Variants in ECT2L observed in about 807,000 individuals in gnomAD.
The protein encoded by ECT2L is epithelial cell transforming 2 like, also known as epithelial cell-transforming sequence 2 oncogene-like.
A neutral mutation model predicts 122.8 loss-of-function variants in ECT2L; 126 were observed. The observed-to-expected ratio is 1.03, with a 90% CI of 0.89 to 1.19. ECT2L has a LOEUF of 1.19. ECT2L is among the 50% of genes most tolerant of loss of function. The pLI, the probability that ECT2L is intolerant of heterozygous loss-of-function variation, is 0.00. For synonymous variants in ECT2L, 385 were observed against 381.8 expected, an observed-to-expected ratio of 1.01 and a Z score of -0.10; for missense variants, 1,012 against 1,064.1, an observed-to-expected ratio of 0.95 and a Z score of 0.68.
chr6:138,889,751 G>A (rs1414899554), intron 20 of ECT2L, among the ~76,000 whole-genome samples: 1 of 152,168 alleles, frequency 6.6e-6, no homozygotes, highest in Non-Finnish European at 1.5e-5. Context: ...AGACCTTACA[G>A]TATTTAGTTT....
At chr6:138,863,908 G>A (rs566365090) in intron 11 of ECT2L, among the ~76,000 whole-genome samples, 135 of 147,668 alleles carry the variant, frequency 9.1e-4, no homozygotes, top group African/African-American at 3.2e-3. Flanking sequence ...CACCGCATCT[G>A]GCCGGGAACA....
chr6:138,880,563 C>G (rs1006254096), intron 14 of ECT2L, among the ~76,000 whole-genome samples: 4 of 152,152 alleles, frequency 2.6e-5, no homozygotes, highest in African/African-American at 7.2e-5. Flanking sequence ...GGAAAACAAA[C>G]AAGAGTAGAC....
chr6:138,871,538 G>A (rs1245588378), intron 13 of ECT2L, among the ~76,000 whole-genome samples: 4 of 152,166 alleles, frequency 2.6e-5, no homozygotes. Flanking sequence ...AGGCGCAGTG[G>A]CTCACGTCTG....
At chr6:138,841,399 G>T (rs928002352) in intron 5 of ECT2L, among the ~76,000 whole-genome samples, 3 of 152,200 alleles carry the variant, frequency 2.0e-5, no homozygotes, top group African/African-American at 4.8e-5. Context: ...CACGTCTAGT[G>T]CTAGGAACAA....
chr6:138,836,791 A>G (rs557431810), intron 4 of ECT2L, among the ~76,000 whole-genome samples: 4 of 152,140 alleles, frequency 2.6e-5, no homozygotes, highest in Non-Finnish European at 5.9e-5. Context: ...CATTAATTAT[A>G]TACTTTGATA....
intron 19 of ECT2L, among the ~76,000 whole-genome samples, chr6:138,888,589 C>T (rs1401085960): frequency 4.6e-5 from 7 of 152,172 alleles, no homozygotes; most frequent in African/African-American, 1.7e-4. Flanking sequence ...GCTGGGATTA[C>T]AGGCATGAGC....
intron 5 of ECT2L, among the ~76,000 whole-genome samples, chr6:138,842,082 C>A (rs968252658): frequency 1.3e-5 from 2 of 152,170 alleles, no homozygotes; most frequent in Non-Finnish European, 2.9e-5. Context: ...ATATATTCAT[C>A]AAATAATATT....
chr6:138,826,733 G>A (rs1037190427), intron 4 of ECT2L, among the ~76,000 whole-genome samples: 13 of 152,094 alleles, frequency 8.5e-5, no homozygotes, highest in Non-Finnish European at 1.8e-4. Flanking sequence ...ATGTTGACTT[G>A]TAATCCCCAA....
chr6:138,892,798 C>T (rs1033496308), intron 20 of ECT2L, among the ~76,000 whole-genome samples: 5 of 152,072 alleles, frequency 3.3e-5, no homozygotes, highest in South Asian at 2.1e-4. Context: ...CAGCCAGCAC[C>T]GCTTATAACT....
At position 138,843,372 on chromosome 6, in the gene ECT2L, T is replaced by C. The variant is rs1246123554; in HGVS notation, c.595+141T>C. 5 of 808,036 alleles carry C rather than the reference T, an allele frequency of 6.2e-6. No homozygotes were observed. The South Asian group carries it at 8.7e-5, about 14-fold the overall frequency. 50.1% of individuals were successfully genotyped at this position (808,036 alleles called of 1,614,324 possible). A position where few individuals can be genotyped will look rare whatever the true frequency, so the allele number is the denominator to read the frequency against. ...TTAAGTATTTTCCAGATGAGCTTTTTTCCGTACTGTATATTTCAAGTTAAT... is the reference window on the plus strand; with the variant it reads ...TTAAGTATTTTCCAGATGAGCTTTTCTCCGTACTGTATATTTCAAGTTAAT... On this transcript the variant is annotated intron_variant, in intron 6 of 21. Coordinates refer to ENST00000541398, the MANE Select transcript of ECT2L (RefSeq NM_001077706.3).
At chr6:138,855,649 T>C (rs1200325785) in intron 10 of ECT2L, among the ~76,000 whole-genome samples, 2 of 152,266 alleles carry the variant, frequency 1.3e-5, no homozygotes, top group African/African-American at 2.4e-5. Flanking sequence ...TACAAAGAGT[T>C]GGATGGTGTG....
At chr6:138,844,012 C>T (rs1022344163) in intron 6 of ECT2L, among the ~76,000 whole-genome samples, 1 of 152,130 alleles carries the variant, frequency 6.6e-6, no homozygotes, top group African/African-American at 2.4e-5. Flanking sequence ...ATGCTTTATG[C>T]AGTGTGTAAA....
At chr6:138,876,450 C>G in intron 13 of ECT2L, 22 bp from the exon 14 acceptor site, 2 of 1,573,794 alleles carry the variant, frequency 1.3e-6, no homozygotes, top group Non-Finnish European at 1.7e-6. Context: ...CTCCAATAAC[C>G]AAGTTTCCAT....
intron 20 of ECT2L, among the ~76,000 whole-genome samples, chr6:138,894,343 C>G (rs773838674): frequency 2.6e-5 from 4 of 152,166 alleles, no homozygotes; most frequent in Admixed American, 6.6e-5. Context: ...GAGTGAGCCA[C>G]CACACCCGGC....
intron 5 of ECT2L, among the ~76,000 whole-genome samples, chr6:138,839,640 A>G (rs1562467123): frequency 6.6e-6 from 1 of 152,344 alleles, no homozygotes; most frequent in East Asian, 1.9e-4. Context: ...CTGGGATTAC[A>G]GGCGTGAGCC....
At chr6:138,894,144 C>T (rs1199132871) in intron 20 of ECT2L, among the ~76,000 whole-genome samples, 4 of 152,140 alleles carry the variant, frequency 2.6e-5, no homozygotes, top group African/African-American at 7.2e-5. Flanking sequence ...GCAACCTCCA[C>T]CTCCCAGGTT....
chr6:138,844,173 AAAGG>A (rs1458442436), intron 6 of ECT2L, among the ~76,000 whole-genome samples: 1 of 152,246 alleles, frequency 6.6e-6, no homozygotes, highest in Non-Finnish European at 1.5e-5. Flanking sequence ...CCCCACTAGA[AAAGG>A]GTTGCTTGTT....
intron 10 of ECT2L, among the ~76,000 whole-genome samples, chr6:138,861,475 G>A (rs535729981): frequency 2.0e-5 from 3 of 152,162 alleles, no homozygotes; most frequent in Non-Finnish European, 4.4e-5. Context: ...TTTCTCTAAT[G>A]ACCAGTGATG....
intron 4 of ECT2L, among the ~76,000 whole-genome samples, chr6:138,828,372 T>C (rs1684694743): frequency 1.3e-5 from 2 of 152,218 alleles, no homozygotes; most frequent in South Asian, 4.1e-4. Context: ...TTTTCTCCCT[T>C]GTCTTGTAGG....
Sources: allele counts gnomAD v4.1 joint callset (sites outside exome capture counted in the v4.1 genomes callset), GRCh38; gene constraint gnomAD v4.1.1; transcripts MANE v1.5; gene names NCBI Gene and HGNC (gene_info 2026-07-23, HGNC 2026-07-21).